Variants in CSMD1 observed in about 807,000 individuals in gnomAD.
The protein encoded by CSMD1 is CUB and sushi domain-containing protein 1.
Under a neutral mutation model 417.5 loss-of-function variants are expected in CSMD1, and 213 were observed. That is an observed-to-expected ratio of 0.51 (90% CI 0.46 to 0.57). The LOEUF (loss-of-function observed/expected upper bound fraction) is 0.57, where lower values mean the gene tolerates loss of function less well. CSMD1 is among the 20% of genes least tolerant of loss of function. The pLI is 0.00. For missense variants in CSMD1, 6,923 were observed against 4,529.7 expected (o/e 1.53, Z -15.17); for synonymous variants, 2,862 against 1,736.8 (o/e 1.65, Z -16.11).
At chr8:4,523,968 G>C (rs1039132386) in intron 2 of CSMD1, among the ~76,000 whole-genome samples, 1 of 152,042 alleles carries the variant, frequency 6.6e-6, no homozygotes, top group Non-Finnish European at 1.5e-5. Flanking sequence ...CCAGCCAGCA[G>C]TTCCTACGCT....
chr8:4,824,126 G>A (rs747394335), intron 1 of CSMD1, among the ~76,000 whole-genome samples: 19 of 149,776 alleles, frequency 1.3e-4, no homozygotes, highest in East Asian at 2.0e-4. Context: ...CCTCTCACAC[G>A]TACATGTAAG....
intron 2 of CSMD1, among the ~76,000 whole-genome samples, chr8:4,623,467 T>A (rs1801897623): frequency 6.6e-6 from 1 of 152,130 alleles, no homozygotes; most frequent in Admixed American, 6.6e-5. Context: ...ACCCACCCAT[T>A]CCACTCTTGA....
chr8:3,165,258 G>A (rs1486272397), intron 37 of CSMD1, among the ~76,000 whole-genome samples: 1 of 151,972 alleles, frequency 6.6e-6, no homozygotes, highest in Non-Finnish European at 1.5e-5. Flanking sequence ...ATTTAAACCT[G>A]CTACTATATT....
intron 5 of CSMD1, among the ~76,000 whole-genome samples, chr8:3,973,260 C>G (rs1813205161): frequency 6.6e-6 from 1 of 152,246 alleles, no homozygotes; most frequent in South Asian, 2.1e-4. Flanking sequence ...AGAGCTATGG[C>G]TTGGTCATGA....
At chr8:3,527,761 T>G (rs1217539359) in intron 10 of CSMD1, among the ~76,000 whole-genome samples, 1 of 152,194 alleles carries the variant, frequency 6.6e-6, no homozygotes, top group Non-Finnish European at 1.5e-5. Flanking sequence ...TCTGTACTGT[T>G]TTATTCAACC....
intron 3 of CSMD1, among the ~76,000 whole-genome samples, chr8:4,150,114 C>T (rs1377989178): frequency 6.6e-6 from 1 of 152,130 alleles, no homozygotes; most frequent in African/African-American, 2.4e-5. Flanking sequence ...AGTGTATTTT[C>T]CACATTGTGT....
intron 2 of CSMD1, among the ~76,000 whole-genome samples, chr8:4,539,529 A>G (rs1356692220): frequency 2.6e-5 from 4 of 152,200 alleles, no homozygotes; most frequent in African/African-American, 9.7e-5. Context: ...GCCTTACAGA[A>G]TGAGTTAACA....
intron 7 of CSMD1, among the ~76,000 whole-genome samples, chr8:3,672,976 T>C (rs578246735): frequency 1.3e-5 from 2 of 152,360 alleles, no homozygotes; most frequent in South Asian, 4.1e-4. Context: ...TATGCCTTAT[T>C]GTAAGTACTT....
At chr8:3,805,702 C>G (rs548818589) in intron 5 of CSMD1, among the ~76,000 whole-genome samples, 1 of 151,982 alleles carries the variant, frequency 6.6e-6, no homozygotes, top group Non-Finnish European at 1.5e-5. Flanking sequence ...TTCATTCTTT[C>G]CTATCTTTCT....
At chr8:3,508,144 T>C (rs374501165) in intron 10 of CSMD1, among the ~76,000 whole-genome samples, 6 of 152,168 alleles carry the variant, frequency 3.9e-5, no homozygotes, top group Admixed American at 3.9e-4. Context: ...AAACACCACA[T>C]GTTCTCACTC....
At chr8:3,756,789 C>T (rs1797684501) in intron 5 of CSMD1, among the ~76,000 whole-genome samples, 1 of 150,412 alleles carries the variant, frequency 6.6e-6, no homozygotes, top group African/African-American at 2.4e-5. Context: ...ACTGAAAAAA[C>T]CAGGTGGAAT....
At chr8:4,058,824 C>T (rs1391047202) in intron 3 of CSMD1, among the ~76,000 whole-genome samples, 1 of 151,326 alleles carries the variant, frequency 6.6e-6, no homozygotes, top group Non-Finnish European at 1.5e-5. Context: ...GAGACTTAGA[C>T]TCCCACACAA....
chr8:3,284,483 G>A, intron 25 of CSMD1, 137 bp from the exon 26 acceptor site: 2 of 655,402 alleles, frequency 3.1e-6, no homozygotes, highest in South Asian at 1.8e-5. Context: ...GTCTGACAAT[G>A]AAGGATGAGG....
intron 23 of CSMD1, among the ~76,000 whole-genome samples, chr8:3,321,153 G>T (rs1806129473): frequency 6.6e-6 from 1 of 152,022 alleles, no homozygotes; most frequent in Non-Finnish European, 1.5e-5. Flanking sequence ...CCATCAGGTG[G>T]GTCGAATCCT....
intron 5 of CSMD1, among the ~76,000 whole-genome samples, chr8:3,795,065 T>TATATATCATGTATAGCTATAGATAC (rs1799970607): frequency 1.3e-5 from 1 of 79,456 alleles, no homozygotes; most frequent in Non-Finnish European, 2.5e-5. Flanking sequence ...GCTATAGATA[T>TATATATCATGTATAGCTATAGATAC]ATATCTATCA....
chr8:3,241,743 G>C (rs891255702), intron 26 of CSMD1, among the ~76,000 whole-genome samples: 2 of 152,130 alleles, frequency 1.3e-5, no homozygotes, highest in Admixed American at 1.3e-4. Context: ...GCATTTGGAA[G>C]TTCTTGTGTG....
At chr8:3,182,776 G>C (rs867890986) in intron 36 of CSMD1, among the ~76,000 whole-genome samples, 11 of 124,462 alleles carry the variant, frequency 8.8e-5, no homozygotes, top group East Asian at 2.4e-4. Flanking sequence ...TGTATTGTTA[G>C]AGAAGTGGTT....
At chr8:3,665,354 AC>A (rs1207736071) in intron 7 of CSMD1, among the ~76,000 whole-genome samples, 4 of 152,202 alleles carry the variant, frequency 2.6e-5, no homozygotes, top group Admixed American at 1.3e-4. Flanking sequence ...ATACGGCAAC[AC>A]CCCATCTCTA....
At chr8:3,529,902 C>G (rs562728515) in intron 10 of CSMD1, among the ~76,000 whole-genome samples, 1 of 152,018 alleles carries the variant, frequency 6.6e-6, no homozygotes, top group East Asian at 1.9e-4. Context: ...TATGGAAAGC[C>G]GAGGCCTTTC....
Sources: gnomAD v4.1 joint callset for allele counts (sites outside exome capture counted in the v4.1 genomes callset) on GRCh38, gnomAD v4.1.1 for gene constraint, MANE v1.5 for transcripts, NCBI Gene and HGNC (gene_info 2026-07-23, HGNC 2026-07-21) for gene names.